LPA: variants seen among roughly 807,000 people sequenced by gnomAD.
LPA encodes lipoprotein(a), also known as apolipoprotein(a).
Under a neutral mutation model 197.9 loss-of-function variants are expected in LPA, and 199 were observed. The ratio of observed to expected loss-of-function variants is 1.01; its 90% confidence interval spans 0.90 to 1.13. The LOEUF (loss-of-function observed/expected upper bound fraction) is 1.13, where lower values mean the gene tolerates loss of function less well. LPA is among the 50% of genes most tolerant of loss of function. The pLI is 0.00. For missense variants in LPA, 1,853 were observed against 1,785.8 expected (o/e 1.04, Z -0.68); for synonymous variants, 715 against 639.5 (o/e 1.12, Z -1.78).
chr6:160,654,821 A>T (rs1212856595), intron 1 of LPA, among the ~76,000 whole-genome samples: 1 of 152,230 alleles, frequency 6.6e-6, no homozygotes, highest in Non-Finnish European at 1.5e-5. Flanking sequence ...GCATTTAGAA[A>T]GTGGATATAG....
intron 28 of LPA, among the ~76,000 whole-genome samples, chr6:160,576,400 ATATATATATATATATGGG>A (rs1778676563): frequency 5.3e-5 from 3 of 56,316 alleles, no homozygotes; most frequent in African/African-American, 3.5e-4. Flanking sequence ...GTATATATAT[ATATATATATATATATGGG>A]TATATATATA....
chr6:160,598,665 C>T (rs1779177306), intron 20 of LPA, among the ~76,000 whole-genome samples: 1 of 152,224 alleles, frequency 6.6e-6, no homozygotes, highest in South Asian at 2.1e-4. Flanking sequence ...CGCCCCTTTG[C>T]TGACTCTCAT....
intron 30 of LPA, among the ~76,000 whole-genome samples, chr6:160,549,307 T>A (rs1778130664): frequency 6.6e-6 from 1 of 152,188 alleles, no homozygotes; most frequent in Non-Finnish European, 1.5e-5. Context: ...AGATCATACA[T>A]AAATGTGCAA....
intron 31 of LPA, among the ~76,000 whole-genome samples, chr6:160,548,218 G>A (rs1355769368): frequency 6.6e-6 from 1 of 152,174 alleles, no homozygotes; most frequent in Admixed American, 6.5e-5. Context: ...AATAAGGTGA[G>A]TGGTTAAGTT....
chr6:160,544,585 G>A (rs1583568391), intron 33 of LPA, among the ~76,000 whole-genome samples: 1 of 152,082 alleles, frequency 6.6e-6, no homozygotes, highest in Non-Finnish European at 1.5e-5. Flanking sequence ...GCAATCTCAG[G>A]ATGCTGGTCT....
At position 160,570,018 on chromosome 6, in the gene LPA, C is replaced by T. The variant is rs1010674393; in HGVS notation, c.4631+7118G>A. Among the ~76,000 whole-genome samples, 44 of 152,142 alleles carry T rather than the reference C, an allele frequency of 2.9e-4. 1 individual carries two copies. The highest frequency in any genetic ancestry group is 9.9e-4 in the African/African-American group (41 of 41,424). On this transcript the variant is annotated intron_variant, in intron 28 of 38. Transcript: ENST00000316300. Reference sequence around the variant, plus strand: ...TAGAGAGGATGTGGAGAAATAGGAACATTTTTACACTGGTGGTGGGACTGT... The same window carrying T: ...TAGAGAGGATGTGGAGAAATAGGAATATTTTTACACTGGTGGTGGGACTGT...
intron 17 of LPA, among the ~76,000 whole-genome samples, chr6:160,606,107 G>A (rs906096760): frequency 6.6e-6 from 1 of 152,176 alleles, no homozygotes; most frequent in Non-Finnish European, 1.5e-5. Flanking sequence ...AGATTGCACT[G>A]AATGCTGGCT....
chr6:160,576,185 T>G (rs1463902976), intron 28 of LPA, among the ~76,000 whole-genome samples: 1 of 151,576 alleles, frequency 6.6e-6, no homozygotes, highest in Non-Finnish European at 1.5e-5. Flanking sequence ...TCCATGTACT[T>G]GTCCATTTTA....
At chr6:160,606,063 C>T (rs1368249803) in intron 17 of LPA, among the ~76,000 whole-genome samples, 2 of 152,184 alleles carry the variant, frequency 1.3e-5, no homozygotes, top group Non-Finnish European at 2.9e-5. Context: ...GTGACAGGCT[C>T]CAGAGCCACA....
In LPA at chr6:160,576,376, A is replaced by G. The variant is rs1231246681; in HGVS notation, c.4631+760T>C. 1.9e-3 allele frequency among the ~76,000 whole-genome samples: 73 copies of G among 39,190 alleles called. 1 individual carries two copies. The highest frequency in any genetic ancestry group is 7.2e-3 in the Admixed American group (22 of 3,044). The allele number at this position is 39,190 out of a possible 152,430, so 25.7% of individuals were successfully genotyped here. On this transcript the variant is annotated intron_variant, in intron 28 of 38. Transcript: ENST00000316300. ...TATATATATATATATACATATATAT[A>G]TATATATATATATGTATATATATAT...
intron 30 of LPA, among the ~76,000 whole-genome samples, chr6:160,553,962 C>CGCGT (rs1778212800): frequency 2.7e-5 from 1 of 37,288 alleles, no homozygotes; most frequent in Non-Finnish European, 7.2e-5. Flanking sequence ...TGTGCGCGCG[C>CGCGT]GCGCGTGTGC....
chr6:160,592,876 T>A (rs896705184), intron 22 of LPA, among the ~76,000 whole-genome samples: 7 of 152,168 alleles, frequency 4.6e-5, no homozygotes, highest in African/African-American at 1.7e-4. Flanking sequence ...CTCCTCTGAG[T>A]GGTCAGAACT....
chr6:160,577,028 G>T, intron 28 of LPA, 108 bp downstream of exon 28: 2 of 1,400,050 alleles, frequency 1.4e-6, no homozygotes, highest in Non-Finnish European at 2.0e-6. Flanking sequence ...TTGCCAAAAT[G>T]TGAGTCTAAG....
rs536190887 is a variant in LPA, at chr6:160,569,441, G to A, written c.4631+7695C>T. Among the ~76,000 whole-genome samples, 282 of 152,118 alleles carry A rather than the reference G, an allele frequency of 1.9e-3. 4 individuals carry two copies. The highest frequency in any genetic ancestry group is 3.7e-3 in the African/African-American group (155 of 41,558). ...ACTGCCTAGCCATATGTAGAAAGCT[G>A]AAACTGGATCCCTTCCTTACACCTT... On this transcript the variant is annotated intron_variant, in intron 28 of 38. Transcript: ENST00000316300.
At chr6:160,608,608 T>C (rs1247213138) in intron 16 of LPA, among the ~76,000 whole-genome samples, 2 of 152,160 alleles carry the variant, frequency 1.3e-5, no homozygotes, top group Non-Finnish European at 2.9e-5. Flanking sequence ...GAAACGCCTA[T>C]TTGATGCATT....
At chr6:160,597,478 G>A (rs1019370692) in intron 20 of LPA, among the ~76,000 whole-genome samples, 3 of 152,100 alleles carry the variant, frequency 2.0e-5, no homozygotes, top group South Asian at 2.1e-4. Context: ...GTGTGTGCAC[G>A]TGTGCCATTG....
At chr6:160,647,615 T>G (rs1215170927) in intron 2 of LPA, among the ~76,000 whole-genome samples, 4 of 152,292 alleles carry the variant, frequency 2.6e-5, no homozygotes, top group African/African-American at 9.6e-5. Context: ...ACAACAAACC[T>G]CAGAGTTAAA....
At chr6:160,608,524 T>C (rs1301809215) in intron 16 of LPA, among the ~76,000 whole-genome samples, 3 of 152,172 alleles carry the variant, frequency 2.0e-5, no homozygotes, top group African/African-American at 7.2e-5. Flanking sequence ...AGTTTCTTGT[T>C]ATTATATCTT....
chr6:160,591,098 G>A lies in LPA; in HGVS notation c.3633C>T (p.Gly1211=), dbSNP rs749117469. 131 of 1,613,468 alleles carry A rather than the reference G, an allele frequency of 8.1e-5. 3 individuals are homozygous for A. The South Asian group carries it at 1.3e-3, about 17-fold the overall frequency. Residue 1211 remains glycine (G), a synonymous_variant, in exon 23 of 39, where the codon GGC becomes GGT. Transcript: ENST00000316300. ...QRTTEYYPNG[G]LTRNYCRNPD... ...GATTCCTGCAGTAGTTCCTGGTCAG[G>A]CCACTGCAAATTACAAAACAATACA...
Sources: allele counts gnomAD v4.1 joint callset (sites outside exome capture counted in the v4.1 genomes callset), GRCh38; gene constraint gnomAD v4.1.1; transcripts MANE v1.5; gene names NCBI Gene and HGNC (gene_info 2026-07-23, HGNC 2026-07-21).